Variants in EFCAB6 observed in about 807,000 individuals in gnomAD.
The protein encoded by EFCAB6 is EF-hand calcium-binding domain-containing protein 6.
EFCAB6 carries 156 observed loss-of-function variants against 169.8 expected under a neutral mutation model. The ratio of observed to expected loss-of-function variants is 0.92; its 90% CI spans 0.81 to 1.05. EFCAB6 has a LOEUF of 1.05. Ranked by LOEUF, EFCAB6 falls within the 50% of genes least tolerant of loss-of-function variation. The pLI is 0.00. For synonymous variants in EFCAB6, 698 were observed against 676.4 expected (o/e 1.03, Z -0.50); for missense variants, 1,800 against 1,829.1 (o/e 0.98, Z 0.29).
chr22:43,629,359 G>A (rs562311320), intron 19 of EFCAB6, among the ~76,000 whole-genome samples: 4 of 152,086 alleles, frequency 2.6e-5, no homozygotes, highest in Non-Finnish European at 4.4e-5. Context: ...CTTTTTCCCC[G>A]TCTCTGACCC....
intron 13 of EFCAB6, among the ~76,000 whole-genome samples, chr22:43,673,773 C>T (rs2057598945): frequency 6.6e-6 from 1 of 152,150 alleles, no homozygotes; most frequent in South Asian, 2.1e-4. Flanking sequence ...GAGTGAGACT[C>T]TGTCTCTAAA....
intron 4 of EFCAB6, among the ~76,000 whole-genome samples, chr22:43,771,057 GT>G (rs1169362048): frequency 7.2e-5 from 11 of 152,166 alleles, no homozygotes; most frequent in African/African-American, 2.4e-4. Context: ...TACACAGTGG[GT>G]TGTAGTACAC....
chr22:43,615,986 G>T, intron 20 of EFCAB6, 64 bp from the exon 21 acceptor site: 1 of 1,383,382 alleles, frequency 7.2e-7, no homozygotes, highest in African/African-American at 1.4e-5. Flanking sequence ...ATCTCCCAAG[G>T]GGTTTCCCTA....
intron 6 of EFCAB6, among the ~76,000 whole-genome samples, chr22:43,754,662 A>G (rs1236917347): frequency 6.6e-6 from 1 of 152,140 alleles, no homozygotes; most frequent in East Asian, 1.9e-4. Context: ...CCACAGCCTT[A>G]TTTTGGGCCA....
Position 43,576,411 on chromosome 22 carries a change from A to G in EFCAB6, c.3306T>C (p.Cys1102=), listed in dbSNP as rs141575839. 8.1e-6 allele frequency: 13 copies of G among 1,607,822 alleles called. No homozygotes were observed. Among genetic ancestry groups the G allele is most frequent in the Non-Finnish European group, 1.0e-5 (12 of 1,178,330 alleles). ...GATACTGATTGTCCGTTAGTTTGTA[A>G]CAGAAATCCTTAAGAACTTGTCCGA... ...TEFGQVLKDF[C]YKLTDNQYHY... is the part of the protein sequence containing the mutation. Residue 1102 remains cysteine, a synonymous_variant, in exon 26 of 32, where the codon TGT becomes TGC. Transcript: ENST00000262726.
At chr22:43,784,664 CATATACATATAT>C (rs1401136992) in intron 2 of EFCAB6, among the ~76,000 whole-genome samples, 6 of 69,132 alleles carry the variant, frequency 8.7e-5, no homozygotes, top group South Asian at 4.8e-4. Context: ...TGTATATATA[CATATACATATAT>C]ACACACACAC....
At chr22:43,607,503 T>G (rs1466478343) in intron 22 of EFCAB6, among the ~76,000 whole-genome samples, 1 of 152,224 alleles carries the variant, frequency 6.6e-6, no homozygotes, top group Non-Finnish European at 1.5e-5. Context: ...TATACCCAGC[T>G]GGAACTACTA....
chr22:43,765,118 T>A (rs2061287312), intron 5 of EFCAB6, among the ~76,000 whole-genome samples, 187 bp downstream of exon 5: 1 of 152,180 alleles, frequency 6.6e-6, no homozygotes, highest in African/African-American at 2.4e-5. Flanking sequence ...ACATCCTATA[T>A]AGATGCTAAA....
intron 19 of EFCAB6, among the ~76,000 whole-genome samples, chr22:43,627,815 T>G (rs137724): frequency 0.26 from 38,995 of 152,186 alleles, 5,298 homozygotes; most frequent in African/African-American, 0.35. Context: ...TGACTCAAGT[T>G]CCTCATGCAA....
At chr22:43,762,617 A>G (rs1263620405) in intron 5 of EFCAB6, among the ~76,000 whole-genome samples, 1 of 152,226 alleles carries the variant, frequency 6.6e-6, no homozygotes, top group Non-Finnish European at 1.5e-5. Flanking sequence ...GCTATAATGT[A>G]TTGTCTCCAA....
chr22:43,645,085 C>T (rs1436232105), intron 17 of EFCAB6, among the ~76,000 whole-genome samples: 1 of 152,180 alleles, frequency 6.6e-6, no homozygotes, highest in East Asian at 1.9e-4. Context: ...CTAGGGGTCA[C>T]AAATTGAAAT....
intron 26 of EFCAB6, among the ~76,000 whole-genome samples, chr22:43,566,178 GC>G (rs1167603224): frequency 6.6e-6 from 1 of 152,174 alleles, no homozygotes; most frequent in Non-Finnish European, 1.5e-5. Context: ...AGGAGGTCAG[GC>G]CCAGGTTATT....
chr22:43,746,179 C>CTCTG (rs1410773388), intron 6 of EFCAB6, among the ~76,000 whole-genome samples: 1 of 152,236 alleles, frequency 6.6e-6, no homozygotes, highest in Non-Finnish European at 1.5e-5. Flanking sequence ...GCCTCCCTGC[C>CTCTG]TCTGGGCTGA....
At chr22:43,730,266 G>T (rs59482189) in intron 8 of EFCAB6, among the ~76,000 whole-genome samples, 2 of 64,368 alleles carry the variant, frequency 3.1e-5, no homozygotes, top group Admixed American at 1.6e-4. Context: ...AGGAAAGGGA[G>T]CGAGGGAGGG....
intron 17 of EFCAB6, among the ~76,000 whole-genome samples, chr22:43,662,159 A>AAAT (rs55680208): frequency 0.12 from 16,784 of 137,030 alleles, 1,074 homozygotes; most frequent in Admixed American, 0.16. Context: ...CTCCATTTCA[A>AAAT]AATAATAATA....
At position 43,626,699 on chromosome 22, in the gene EFCAB6, G is replaced by A. The variant is rs374892754; in HGVS notation, c.2233-20C>T. 348 of 1,611,514 alleles carry A rather than the reference G, an allele frequency of 2.2e-4. No individual in the cohort carries two copies. Among genetic ancestry groups the A allele is most frequent in the Non-Finnish European group, 2.7e-4 (323 of 1,178,214 alleles). On this transcript the variant is annotated intron_variant, in intron 19 of 31. Transcript: ENST00000262726. Reference sequence around the variant, plus strand: ...GGGGTCCTAAAAACAAAACACACACGTCAAAGCCCTTCCCCAAGAGCCCCG... The same window carrying A: ...GGGGTCCTAAAAACAAAACACACACATCAAAGCCCTTCCCCAAGAGCCCCG...
intron 20 of EFCAB6, among the ~76,000 whole-genome samples, chr22:43,619,034 G>A (rs2053943646): frequency 6.6e-6 from 1 of 152,114 alleles, no homozygotes; most frequent in Admixed American, 6.5e-5. Flanking sequence ...AGTAGCCCTT[G>A]GGGGCTACAG....
intron 12 of EFCAB6, among the ~76,000 whole-genome samples, chr22:43,681,424 T>A (rs1208728212): frequency 6.6e-6 from 1 of 152,220 alleles, no homozygotes; most frequent in Middle Eastern, 3.2e-3. Context: ...TCTTTTCTTG[T>A]GATGCCTTTG....
chr22:43,708,937 C>A (rs1159480241), intron 10 of EFCAB6, among the ~76,000 whole-genome samples: 1 of 152,134 alleles, frequency 6.6e-6, no homozygotes, highest in East Asian at 1.9e-4. Flanking sequence ...ACTCAGAAAT[C>A]CCTAGGTCCC....
Sources: allele counts gnomAD v4.1 joint callset (sites outside exome capture counted in the v4.1 genomes callset), GRCh38; gene constraint gnomAD v4.1.1; transcripts MANE v1.5; gene names NCBI Gene and HGNC (gene_info 2026-07-23, HGNC 2026-07-21).